Variants in KCNB2 observed in about 807,000 individuals in gnomAD.
KCNB2 encodes delayed rectifier potassium channel protein.
Under a neutral mutation model 61.5 loss-of-function variants are expected in KCNB2, and 15 were observed. The ratio of observed to expected loss-of-function variants is 0.24; its 90% CI spans 0.16 to 0.38. KCNB2 has a LOEUF of 0.38. Ranked by LOEUF, KCNB2 falls within the 10% of genes least tolerant of loss-of-function variation. The pLI is 1.00. For missense variants in KCNB2, 828 were observed against 1,125.2 expected (o/e 0.74, Z 3.78); for synonymous variants, 457 against 446.0 (o/e 1.02, Z -0.31).
intron 2 of KCNB2, among the ~76,000 whole-genome samples, chr8:72,706,726 T>A (rs980326979): frequency 1.3e-5 from 2 of 152,240 alleles, no homozygotes; most frequent in South Asian, 4.1e-4. Context: ...TTGTGTACTA[T>A]AAAATCCCCT....
chr8:72,919,031 A>G (rs1374772313), intron 2 of KCNB2, among the ~76,000 whole-genome samples: 1 of 152,298 alleles, frequency 6.6e-6, no homozygotes, highest in East Asian at 1.9e-4. Context: ...GCTTTTGGGC[A>G]CCCACAGGTC....
intron 1 of KCNB2, among the ~76,000 whole-genome samples, chr8:72,548,846 T>A (rs190513966): frequency 8.4e-4 from 128 of 152,340 alleles, no homozygotes; most frequent in African/African-American, 2.9e-3. Flanking sequence ...TACACCCATG[T>A]CTTAAGTGGT....
intron 2 of KCNB2, among the ~76,000 whole-genome samples, chr8:72,604,059 C>T (rs1474743590): frequency 6.6e-6 from 1 of 152,080 alleles, no homozygotes; most frequent in Non-Finnish European, 1.5e-5. Context: ...GCTGTTTAAG[C>T]CACCTAGTTT....
At chr8:72,737,949 A>T (rs1386881901) in intron 2 of KCNB2, among the ~76,000 whole-genome samples, 1 of 152,172 alleles carries the variant, frequency 6.6e-6, no homozygotes, top group African/African-American at 2.4e-5. Context: ...TCATTTTGGA[A>T]ATGGTGGCCC....
intron 2 of KCNB2, among the ~76,000 whole-genome samples, chr8:72,819,556 C>A (rs1203679003): frequency 6.6e-6 from 1 of 151,996 alleles, no homozygotes; most frequent in Non-Finnish European, 1.5e-5. Flanking sequence ...GAATAGGAAT[C>A]AATAGGAATG....
chr8:72,900,990 G>T (rs1806080826), intron 2 of KCNB2, among the ~76,000 whole-genome samples: 2 of 152,084 alleles, frequency 1.3e-5, no homozygotes, highest in Admixed American at 6.6e-5. Context: ...TCTTATTACT[G>T]GGTATATACC....
At chr8:72,592,709 G>A (rs1807120044) in intron 2 of KCNB2, among the ~76,000 whole-genome samples, 1 of 152,124 alleles carries the variant, frequency 6.6e-6, no homozygotes, top group Non-Finnish European at 1.5e-5. Flanking sequence ...AGATGGATCT[G>A]CCTTCAGCCA....
intron 2 of KCNB2, among the ~76,000 whole-genome samples, chr8:72,827,779 T>C (rs16938408): frequency 0.033 from 5,040 of 151,996 alleles, 284 homozygotes; most frequent in African/African-American, 0.11. Flanking sequence ...ATGAAATATA[T>C]GAGAGGAGAA....
intron 2 of KCNB2, among the ~76,000 whole-genome samples, chr8:72,628,851 C>G (rs991815507): frequency 6.6e-6 from 1 of 152,234 alleles, no homozygotes; most frequent in Non-Finnish European, 1.5e-5. Context: ...CATGCCAGCT[C>G]TCTCTTCTTA....
At position 72,593,280 on chromosome 8, in the gene KCNB2, T is replaced by C. The variant is rs890274414; in HGVS notation, c.579+24967T>C. Among the ~76,000 whole-genome samples the C allele has an allele frequency of 3.3e-5, 5 of 152,228 alleles. No individual in the cohort carries two copies. In the East Asian group the frequency reaches 5.8e-4, roughly 18 times the overall value. On this transcript the variant is annotated intron_variant, in intron 2 of 2. Transcript: ENST00000523207. The stretch of plus-strand genomic sequence containing the variant: ...AAGTATTTTAAAGTATAAAAAACTA[T>C]AAAAGACTTATTCAAAGACTTTTAT...
At chr8:72,828,082 G>A (rs1188160703) in intron 2 of KCNB2, among the ~76,000 whole-genome samples, 3 of 152,004 alleles carry the variant, frequency 2.0e-5, no homozygotes, top group Non-Finnish European at 4.4e-5. Flanking sequence ...CAAACTGCTG[G>A]GATTATAGGC....
intron 2 of KCNB2, among the ~76,000 whole-genome samples, chr8:72,883,028 G>A (rs1228967665): frequency 6.6e-6 from 1 of 152,062 alleles, no homozygotes; most frequent in African/African-American, 2.4e-5. Flanking sequence ...CCCATGTCTG[G>A]ATCCTGATTA....
At chr8:72,747,079 T>C (rs1441420194) in intron 2 of KCNB2, among the ~76,000 whole-genome samples, 2 of 152,074 alleles carry the variant, frequency 1.3e-5, no homozygotes, top group Admixed American at 1.3e-4. Context: ...AGAAGTTTTT[T>C]TATACTCACA....
intron 2 of KCNB2, among the ~76,000 whole-genome samples, chr8:72,594,816 A>T (rs1257207319): frequency 2.0e-5 from 3 of 152,206 alleles, no homozygotes; most frequent in African/African-American, 7.2e-5. Flanking sequence ...ATAATAAACC[A>T]TTTTAAAGCA....
At chr8:72,643,269 G>T (rs1227236930) in intron 2 of KCNB2, among the ~76,000 whole-genome samples, 1 of 152,140 alleles carries the variant, frequency 6.6e-6, no homozygotes, top group Non-Finnish European at 1.5e-5. Context: ...TATGTGCCAG[G>T]CCCTGTGCTA....
At chr8:72,655,534 G>A (rs1806277442) in intron 2 of KCNB2, among the ~76,000 whole-genome samples, 1 of 152,080 alleles carries the variant, frequency 6.6e-6, no homozygotes, top group Non-Finnish European at 1.5e-5. Flanking sequence ...GGAATGACAG[G>A]ATTAGTGAAT....
intron 2 of KCNB2, among the ~76,000 whole-genome samples, chr8:72,598,175 G>A (rs1807230616): frequency 6.6e-6 from 1 of 151,452 alleles, no homozygotes; most frequent in Non-Finnish European, 1.5e-5. Flanking sequence ...CAATATCCTT[G>A]ATGAACATTG....
intron 2 of KCNB2, among the ~76,000 whole-genome samples, chr8:72,691,664 T>C (rs1806942176): frequency 6.6e-6 from 1 of 152,212 alleles, no homozygotes; most frequent in African/African-American, 2.4e-5. Flanking sequence ...TTCTTGACTT[T>C]CCAAGGCTAA....
rs899783433 is a variant in KCNB2, at chr8:72,583,476, CA to C, written c.579+15172del. 1.1e-4 allele frequency among the ~76,000 whole-genome samples: 16 copies of C among 148,534 alleles called. No homozygotes were observed. The East Asian group carries it at 1.2e-3, about 11-fold the overall frequency. ...TCAAAATTCTGTGGCAAAAAAAAAA[CA>C]AAAAAAAACCTGTCACATTATTTTC... On this transcript the variant is annotated intron_variant, in intron 2 of 2. Transcript: ENST00000523207.
Sources: gnomAD v4.1 joint callset for allele counts (sites outside exome capture counted in the v4.1 genomes callset) on GRCh38, gnomAD v4.1.1 for gene constraint, MANE v1.5 for transcripts, NCBI Gene and HGNC (gene_info 2026-07-23, HGNC 2026-07-21) for gene names.